The following AMZ1 variants were observed in gnomAD, a reference collection of about 807,000 sequenced individuals.
AMZ1 encodes archaemetzincin-1.
In AMZ1, 39 loss-of-function variants were observed where a neutral mutation model predicts 29.9. That is an observed-to-expected ratio of 1.30 (90% CI 1.01 to 1.70). The LOEUF (loss-of-function observed/expected upper bound fraction) is 1.70, where lower values mean the gene tolerates loss of function less well. Among genes scored for constraint, AMZ1 ranks in the 40% most tolerant of loss-of-function variants. AMZ1 has a pLI of 0.00. For missense variants in AMZ1, 1,041 were observed against 680.6 expected (o/e 1.53, Z -5.89); for synonymous variants, 458 against 304.0 (o/e 1.51, Z -5.27).
chr7:2,721,784 G>A (rs1052374081), downstream of AMZ1, among the ~76,000 whole-genome samples: 7 of 151,842 alleles, frequency 4.6e-5, no homozygotes, highest in East Asian at 9.7e-4. Context: ...CAGCAGTGGC[G>A]GGGGAGGCAG....
upstream of AMZ1, among the ~76,000 whole-genome samples, chr7:2,685,611 T>C (rs6951523): frequency 2.0e-5 from 3 of 150,022 alleles, no homozygotes; most frequent in African/African-American, 7.4e-5. Context: ...TCCCAGCACT[T>C]TGGGAGGCCG....
At chr7:2,764,966 G>A (rs970679025) in intron 1 of AMZ1, 7 of 152,224 alleles carry the variant, frequency 4.6e-5, no homozygotes, top group Non-Finnish European at 7.3e-5. Flanking sequence ...TTGTACGGTG[G>A]AAAAGTAATA....
At chr7:2,720,144 G>A (rs1789356479), downstream of AMZ1, among the ~76,000 whole-genome samples, 1 of 152,254 alleles carries the variant, frequency 6.6e-6, no homozygotes, top group Admixed American at 6.5e-5. Flanking sequence ...CTGCTGCAGA[G>A]CTTTCCGTGC....
chr7:2,709,378 A>G, intron 5 of AMZ1, 134 bp downstream of exon 5: 2 of 1,092,680 alleles, frequency 1.8e-6, no homozygotes, highest in Non-Finnish European at 2.5e-6. Context: ...TGAGGAAAGC[A>G]AGGCTACACA....
intron 4 of AMZ1, among the ~76,000 whole-genome samples, chr7:2,748,596 A>G (rs1337243455): frequency 1.3e-5 from 2 of 152,170 alleles, no homozygotes; most frequent in African/African-American, 4.8e-5. Flanking sequence ...GGACATAGGC[A>G]TGGGCAAGGA....
At chr7:2,682,165 C>T (rs569852613) in intron 1 of AMZ1, among the ~76,000 whole-genome samples, 12 of 152,302 alleles carry the variant, frequency 7.9e-5, no homozygotes, top group Admixed American at 5.2e-4. Flanking sequence ...GAGGCTGGGC[C>T]GGGGCCAGGG....
intron 1 of AMZ1, among the ~76,000 whole-genome samples, chr7:2,695,682 G>T (rs1024520784): frequency 6.6e-6 from 1 of 151,924 alleles, no homozygotes; most frequent in African/African-American, 2.4e-5. Context: ...CAGCACTCCA[G>T]CCTGGGCAAA....
intron 3 of AMZ1, among the ~76,000 whole-genome samples, chr7:2,705,651 G>C (rs1788310436): frequency 1.3e-5 from 2 of 152,198 alleles, no homozygotes; most frequent in South Asian, 4.1e-4. Context: ...ACAGGGAGCA[G>C]CCACTGTTGA....
intron 4 of AMZ1, among the ~76,000 whole-genome samples, chr7:2,752,895 T>C (rs1466980247): frequency 6.6e-6 from 1 of 152,194 alleles, no homozygotes; most frequent in African/African-American, 2.4e-5. Flanking sequence ...AATGTGTGTG[T>C]GGTTCCATGC....
Position 2,700,700 on chromosome 7 carries a change from C to A in AMZ1, c.249C>A (p.Ser83=). The A allele has an allele frequency of 6.2e-7, 1 of 1,613,190 alleles. No individual in the cohort carries two copies. The highest frequency in any genetic ancestry group is 8.5e-7 in the Non-Finnish European group (1 of 1,180,046). Residue 83 remains serine, a synonymous_variant, in exon 2 of 7, where the codon TCC becomes TCA. Coordinates refer to ENST00000683327, the MANE Select transcript of AMZ1 (RefSeq NM_001384743.1). ...AGGACTTCCAGACCTTCCACGCCTC[C>A]CTGCAGCACCGGAAGCCCCGCCTGG... ...APEDFQTFHA[S]LQHRKPRLAR...
intron 4 of AMZ1, among the ~76,000 whole-genome samples, chr7:2,735,177 G>A (rs1790103573): frequency 6.6e-6 from 1 of 152,154 alleles, no homozygotes; most frequent in South Asian, 2.1e-4. Flanking sequence ...CTGCTCTCCT[G>A]CCCTCCCCTG....
downstream of AMZ1, among the ~76,000 whole-genome samples, chr7:2,723,212 G>A (rs938444107): frequency 6.6e-6 from 1 of 152,218 alleles, no homozygotes; most frequent in Non-Finnish European, 1.5e-5. Flanking sequence ...TGTGGGCTGT[G>A]TGGGGGCCCT....
chr7:2,740,968 C>A (rs1790468536), intron 4 of AMZ1, among the ~76,000 whole-genome samples: 1 of 152,152 alleles, frequency 6.6e-6, no homozygotes, highest in Non-Finnish European at 1.5e-5. Flanking sequence ...TGGTGTGAAC[C>A]CGGGAGGCAG....
chr7:2,697,261 T>C (rs1787799912), intron 1 of AMZ1, among the ~76,000 whole-genome samples: 1 of 152,140 alleles, frequency 6.6e-6, no homozygotes, highest in African/African-American at 2.4e-5. Context: ...CACGCCCGGC[T>C]AATTTTTGTA....
At chr7:2,749,834 GATT>G (rs1478726523) in intron 4 of AMZ1, among the ~76,000 whole-genome samples, 1 of 152,038 alleles carries the variant, frequency 6.6e-6, no homozygotes, top group Non-Finnish European at 1.5e-5. Flanking sequence ...ACTGAAATTA[GATT>G]AATAGAGATG....
chr7:2,702,190 C>G (rs1788091853), intron 2 of AMZ1: 1 of 151,496 alleles, frequency 6.6e-6, no homozygotes, highest in Non-Finnish European at 1.5e-5. Flanking sequence ...GAGCTCCCTG[C>G]TGCCTCTCCA....
rs776211969 is a variant in AMZ1 at position 2,731,482 on chromosome 7, T to A, written n.550+21666T>A. Reference sequence around the variant, plus strand: ...GGAGACGTTGAAGAAGAGCTTGTTGTTGACGATGGTCTCGAAGATGTTCAT... The same window carrying A: ...GGAGACGTTGAAGAAGAGCTTGTTGATGACGATGGTCTCGAAGATGTTCAT... On this transcript the variant is annotated intron_variant and non_coding_transcript_variant, in intron 4 of 4. Coordinates refer to the AMZ1 transcript ENST00000489665. This position sits in a 1 kb window ranked among gnomAD's most constrained non-coding sequence, Gnocchi z 6.0. 6.2e-7 allele frequency: 1 copy of A among 1,613,926 alleles called. No individual in the cohort carries two copies. The highest frequency in any genetic ancestry group is 1.1e-5 in the South Asian group (1 of 91,072).
At chr7:2,757,655 C>G (rs960964146) in intron 4 of AMZ1, among the ~76,000 whole-genome samples, 4 of 152,172 alleles carry the variant, frequency 2.6e-5, no homozygotes, top group African/African-American at 9.7e-5. Flanking sequence ...TACATCTGTG[C>G]CGTTTTAAGT....
At chr7:2,765,106 T>A (rs1290411499) in intron 1 of AMZ1, 1 of 151,628 alleles carries the variant, frequency 6.6e-6, no homozygotes, top group Middle Eastern at 3.2e-3. Context: ...ACATTCATAA[T>A]CACTTGGATT....
Sources: allele counts gnomAD v4.1 joint callset (sites outside exome capture counted in the v4.1 genomes callset), GRCh38; gene constraint gnomAD v4.1.1; non-coding constraint Gnocchi (gnomAD v3.1); transcripts MANE v1.5; gene names NCBI Gene and HGNC (gene_info 2026-07-23, HGNC 2026-07-21).